CYRIB: variants seen among roughly 807,000 people sequenced by gnomAD.
The protein encoded by CYRIB is CYFIP related Rac1 interactor B.
A neutral mutation model predicts 44.2 loss-of-function variants in CYRIB; 8 were observed. That is an observed-to-expected ratio of 0.18 (90% confidence interval 0.11 to 0.33). The LOEUF is 0.33. Ranked by LOEUF, CYRIB falls within the 10% of genes least tolerant of loss-of-function variation. The pLI is 1.00. For missense variants in CYRIB, 185 were observed against 382.8 expected (o/e 0.48, Z 4.31); for synonymous variants, 131 against 127.2 (o/e 1.03, Z -0.20).
At chr8:130,005,420 G>A (rs1564787217) in intron 1 of CYRIB, among the ~76,000 whole-genome samples, 4 of 152,102 alleles carry the variant, frequency 2.6e-5, no homozygotes, top group African/African-American at 4.8e-5. Flanking sequence ...GGGCTTTCAC[G>A]TGCCTGGCCT....
intron 1 of CYRIB, among the ~76,000 whole-genome samples, chr8:130,006,609 T>C (rs1209864782): frequency 1.4e-4 from 1 of 6,998 alleles, no homozygotes; most frequent in Non-Finnish European, 5.5e-4. Context: ...TATATATACA[T>C]ATATATGTGT....
chr8:129,931,822 T>C (rs2091484857), intron 1 of CYRIB, among the ~76,000 whole-genome samples: 1 of 151,884 alleles, frequency 6.6e-6, no homozygotes, highest in Non-Finnish European at 1.5e-5. Flanking sequence ...AGACGAGGTT[T>C]CACCATGTCA....
intron 1 of CYRIB, among the ~76,000 whole-genome samples, chr8:129,936,101 GAA>G (rs1665828100): frequency 6.6e-6 from 1 of 151,956 alleles, no homozygotes; most frequent in African/African-American, 2.4e-5. Context: ...AGCTGAAAAA[GAA>G]AAAGTTTTGA....
intron 1 of CYRIB, among the ~76,000 whole-genome samples, chr8:130,006,656 A>ATGTG (rs2097104308): frequency 7.8e-6 from 1 of 128,246 alleles, no homozygotes; most frequent in African/African-American, 2.9e-5. Flanking sequence ...ATATACATAT[A>ATGTG]TATATGTATA....
intron 1 of CYRIB, among the ~76,000 whole-genome samples, chr8:129,975,130 C>T (rs2095863049): frequency 6.6e-6 from 1 of 152,134 alleles, no homozygotes; most frequent in African/African-American, 2.4e-5. Flanking sequence ...CCGCCCACCT[C>T]AGCCTCCCAA....
At chr8:129,922,079 T>A (rs971765434) in intron 1 of CYRIB, among the ~76,000 whole-genome samples, 3 of 152,218 alleles carry the variant, frequency 2.0e-5, no homozygotes, top group African/African-American at 4.8e-5. Context: ...GTGGCCACAC[T>A]GCACTAACCA....
At chr8:129,916,502 G>GAATAAACAT (rs1436705888) in intron 1 of CYRIB, among the ~76,000 whole-genome samples, 37 of 152,098 alleles carry the variant, frequency 2.4e-4, no homozygotes, top group Non-Finnish European at 1.5e-5. Flanking sequence ...TCTGATTTCA[G>GAATAAACAT]GCTACTCCTA....
intron 1 of CYRIB, among the ~76,000 whole-genome samples, chr8:129,920,933 T>C (rs2083245428): frequency 6.6e-6 from 1 of 152,190 alleles, no homozygotes; most frequent in African/African-American, 2.4e-5. Flanking sequence ...GAAGTAGACC[T>C]TGCTTCCTTG....
intron 1 of CYRIB, among the ~76,000 whole-genome samples, chr8:129,927,109 CCT>C (rs150933091): frequency 0.017 from 2,643 of 151,954 alleles, 88 homozygotes; most frequent in African/African-American, 0.06. Flanking sequence ...ATGGTAAAAC[CCT>C]GTCTCTACTA....
chr8:129,893,967 T>C (rs1363230688), intron 2 of CYRIB, among the ~76,000 whole-genome samples: 3 of 152,216 alleles, frequency 2.0e-5, no homozygotes, highest in African/African-American at 4.8e-5. Context: ...TGTGCATTCT[T>C]TGAAAACTGG....
intron 9 of CYRIB, chr8:129,850,040 C>G (rs1022376145): frequency 6.6e-6 from 1 of 152,172 alleles, no homozygotes; most frequent in Non-Finnish European, 1.5e-5. Context: ...ATAGAGACAT[C>G]CAAGCACATG....
At chr8:129,949,261 C>A (rs1031787320) in intron 2 of CYRIB, 1 of 152,062 alleles carries the variant, frequency 6.6e-6, no homozygotes, top group African/African-American at 2.4e-5. Context: ...GAACTATTAC[C>A]ACCAATATCT....
At chr8:129,885,159 G>T (rs184285386) in intron 2 of CYRIB, among the ~76,000 whole-genome samples, 3 of 152,006 alleles carry the variant, frequency 2.0e-5, no homozygotes, top group Admixed American at 2.0e-4. Flanking sequence ...TTTTAATTTT[G>T]TCTCCTCTTC....
intron 1 of CYRIB, among the ~76,000 whole-genome samples, chr8:129,921,528 T>C (rs773456852): frequency 6.6e-6 from 1 of 152,196 alleles, no homozygotes; most frequent in Admixed American, 6.5e-5. Flanking sequence ...CGATCACAGT[T>C]CACAGCAGCC....
chr8:129,988,616 C>T (rs1471569317), intron 1 of CYRIB, among the ~76,000 whole-genome samples: 1 of 152,154 alleles, frequency 6.6e-6, no homozygotes. Context: ...AGCCTCTGCT[C>T]CCTGTGGGCG....
intron 1 of CYRIB, among the ~76,000 whole-genome samples, chr8:129,984,378 G>C (rs1478336679): frequency 1.3e-5 from 2 of 152,134 alleles, no homozygotes; most frequent in East Asian, 1.9e-4. Context: ...ATCCAAGTGC[G>C]GGAGGCCTAA....
intron 2 of CYRIB, among the ~76,000 whole-genome samples, chr8:129,955,394 T>A (rs1233331539): frequency 6.6e-6 from 1 of 152,112 alleles, no homozygotes. Flanking sequence ...ACAGAGTTCA[T>A]GTAAATACTG....
In CYRIB at chr8:129,998,689, T is replaced by C. The variant is rs571494423; in HGVS notation, c.-296+17681A>G. On this transcript the variant is annotated intron_variant, in intron 1 of 14. Coordinates refer to the CYRIB transcript ENST00000401979. ...CTCTGTCGTCCAGGGTGGAGTGCAG[T>C]GGCATGATCTCAGCTCACTGCAACC... 5.2e-3 allele frequency among the ~76,000 whole-genome samples: 791 copies of C among 151,742 alleles called. 6 individuals are homozygous for C. The highest frequency in any genetic ancestry group is 8.4e-3 in the Non-Finnish European group (570 of 67,894).
chr8:130,006,605 T>TATATATATATACAC lies in CYRIB; in HGVS notation c.-296+9764_-296+9765insGTGTATATATATAT, dbSNP rs374570395. 1.7e-4 allele frequency among the ~76,000 whole-genome samples: 4 copies of TATATATATATACAC among 23,318 alleles called. No individual in the cohort carries two copies. The East Asian group carries it at 3.9e-3, about 23-fold the overall frequency. The allele number at this position is 23,318 out of a possible 152,430, so 15.3% of individuals were successfully genotyped here. A position where few individuals can be genotyped will look rare whatever the true frequency, so the allele number is the denominator to read the frequency against. ...ACTAAAAACACAAATTATATATATA[T>TATATATATATACAC]ACATATATATGTGTATATATATACA... On this transcript the variant is annotated intron_variant, in intron 1 of 14. Transcript: ENST00000401979.
Sources: allele counts gnomAD v4.1 joint callset (sites outside exome capture counted in the v4.1 genomes callset), GRCh38; gene constraint gnomAD v4.1.1; transcripts MANE v1.5; gene names NCBI Gene and HGNC (gene_info 2026-07-23, HGNC 2026-07-21).